SPECC1L: variants seen among roughly 807,000 people sequenced by gnomAD.
The protein encoded by SPECC1L is cytospin-A.
SPECC1L carries 40 observed loss-of-function variants against 116.8 expected under a neutral mutation model. The observed-to-expected ratio is 0.34, with a 90% CI of 0.27 to 0.45. SPECC1L has a LOEUF of 0.45. Among genes scored for constraint, SPECC1L ranks in the 20% least tolerant of loss-of-function variants. SPECC1L has a pLI of 1.00. For synonymous variants in SPECC1L, 504 were observed against 500.6 expected (o/e 1.01, Z -0.09); for missense variants, 1,110 against 1,373.6 (o/e 0.81, Z 3.03).
At chr22:24,404,543 C>G (rs1445931466) in intron 14 of SPECC1L, among the ~76,000 whole-genome samples, 1 of 152,204 alleles carries the variant, frequency 6.6e-6, no homozygotes, top group Non-Finnish European at 1.5e-5. Flanking sequence ...CATAGCCAGT[C>G]TGTTGCCAAG....
intron 14 of SPECC1L, among the ~76,000 whole-genome samples, chr22:24,374,874 A>C (rs891900575): frequency 1.3e-5 from 2 of 152,142 alleles, no homozygotes; most frequent in Non-Finnish European, 1.5e-5. Flanking sequence ...AGAAAATAGA[A>C]AAACAATAGA....
At chr22:24,411,492 G>T in intron 14 of SPECC1L, 96 bp from the exon 15 acceptor site, 1 of 1,126,988 alleles carries the variant, frequency 8.9e-7, no homozygotes, top group Non-Finnish European at 1.3e-6. Context: ...GTGTTTTGGA[G>T]GCCATGCAGC....
At chr22:24,403,456 A>G (rs2042521051) in intron 14 of SPECC1L, among the ~76,000 whole-genome samples, 1 of 152,244 alleles carries the variant, frequency 6.6e-6, no homozygotes, top group Non-Finnish European at 1.5e-5. Flanking sequence ...TGAATAGTGA[A>G]CAATAGAAAT....
At chr22:24,399,867 GTTTATT>G (rs1284066954) in intron 14 of SPECC1L, among the ~76,000 whole-genome samples, 3 of 152,136 alleles carry the variant, frequency 2.0e-5, no homozygotes, top group African/African-American at 7.2e-5. Flanking sequence ...TTAGCTGCCT[GTTTATT>G]TTTAAGAAAT....
At chr22:24,396,045 T>C (rs999656999) in intron 14 of SPECC1L, among the ~76,000 whole-genome samples, 1 of 152,230 alleles carries the variant, frequency 6.6e-6, no homozygotes, top group African/African-American at 2.4e-5. Flanking sequence ...CTCTTGGCCT[T>C]GGGTGTCAAG....
At chr22:24,330,510 G>A (rs2040916384) in intron 8 of SPECC1L, 79 bp downstream of exon 8, 1 of 1,488,428 alleles carries the variant, frequency 6.7e-7, no homozygotes, top group Non-Finnish European at 9.3e-7. Flanking sequence ...TGGTGCTATG[G>A]AAAAAATGTG....
intron 11 of SPECC1L, among the ~76,000 whole-genome samples, chr22:24,353,145 A>G (rs2146586695): frequency 6.6e-6 from 1 of 152,356 alleles, no homozygotes; most frequent in Non-Finnish European, 1.5e-5. Flanking sequence ...TAAGAAATTA[A>G]TAGCAGTAAA....
Position 24,390,767 on chromosome 22 carries a change from C to T in SPECC1L, c.3088-20821C>T, listed in dbSNP as rs75275276. ...AGGTATCTTCATCCCGAAGGCTCAG[C>T]GGTTGGCCAAGAGCTTCACATTTCT... On this transcript the variant is annotated intron_variant, in intron 14 of 16. Coordinates refer to ENST00000314328, the MANE Select transcript of SPECC1L (RefSeq NM_015330.6). Among the ~76,000 whole-genome samples the T allele has an allele frequency of 5.0e-3, 739 of 147,832 alleles. 7 individuals carry two copies. The highest frequency in any genetic ancestry group is 0.017 in the African/African-American group (698 of 40,218).
intron 2 of SPECC1L, among the ~76,000 whole-genome samples, chr22:24,296,500 C>G (rs2049265897): frequency 6.6e-6 from 1 of 152,254 alleles, no homozygotes; most frequent in Non-Finnish European, 1.5e-5. Flanking sequence ...TTTTATTCCC[C>G]CAAACCTTGA....
At chr22:24,294,574 G>C (rs1018526203) in intron 2 of SPECC1L, among the ~76,000 whole-genome samples, 6 of 151,524 alleles carry the variant, frequency 4.0e-5, no homozygotes, top group African/African-American at 1.5e-4. Context: ...GTAGAGACAG[G>C]GTTTCACCAT....
At chr22:24,303,015 A>T (rs995538898) in intron 3 of SPECC1L, among the ~76,000 whole-genome samples, 2 of 151,594 alleles carry the variant, frequency 1.3e-5, no homozygotes, top group Admixed American at 6.6e-5. Flanking sequence ...ATTTTTTTTT[A>T]AATAGATGAG....
intron 4 of SPECC1L, among the ~76,000 whole-genome samples, chr22:24,317,129 G>T (rs1453019267): frequency 2.9e-5 from 3 of 103,418 alleles, no homozygotes; most frequent in Non-Finnish European, 6.2e-5. Context: ...CTGGCTGGGC[G>T]GGGGGCTGAC....
intron 11 of SPECC1L, among the ~76,000 whole-genome samples, chr22:24,358,829 G>GA (rs2041584150): frequency 6.6e-6 from 1 of 152,142 alleles, no homozygotes; most frequent in African/African-American, 2.4e-5. Flanking sequence ...ACAATAAAGG[G>GA]AAAACTACCT....
intron 7 of SPECC1L, among the ~76,000 whole-genome samples, 173 bp downstream of exon 7, chr22:24,329,092 G>T (rs943647799): frequency 2.0e-5 from 3 of 152,206 alleles, no homozygotes; most frequent in Admixed American, 2.0e-4. Flanking sequence ...ATTGGTGCTA[G>T]ATTTTGGGTA....
intron 4 of SPECC1L, among the ~76,000 whole-genome samples, chr22:24,317,494 C>T (rs1379312092): frequency 9.2e-5 from 12 of 130,264 alleles, no homozygotes; most frequent in African/African-American, 2.7e-4. Flanking sequence ...CTGACCCCCC[C>T]ACCTCCCTCC....
At chr22:24,390,450 A>G (rs1285533321) in intron 14 of SPECC1L, among the ~76,000 whole-genome samples, 1 of 152,210 alleles carries the variant, frequency 6.6e-6, no homozygotes, top group Non-Finnish European at 1.5e-5. Context: ...GTTAAAAAAT[A>G]AAAAAAGGTG....
chr22:24,366,483 G>T (rs529365810), intron 13 of SPECC1L, among the ~76,000 whole-genome samples: 2 of 152,100 alleles, frequency 1.3e-5, no homozygotes, highest in Non-Finnish European at 2.9e-5. Context: ...GTGAGCCACC[G>T]TGCCTGGCCT....
intron 9 of SPECC1L, among the ~76,000 whole-genome samples, chr22:24,336,073 A>C (rs996857536): frequency 3.3e-5 from 5 of 152,012 alleles, no homozygotes; most frequent in Non-Finnish European, 7.4e-5. Context: ...TACCTACTAA[A>C]AGAATTAAGA....
In SPECC1L at chr22:24,383,792, ATTTTTTTTTTTTTT is replaced by A. The variant is rs538972717; in HGVS notation, c.3087+14499_3087+14512del. Among the ~76,000 whole-genome samples, 611 of 77,260 alleles carry A rather than the reference ATTTTTTTTTTTTTT, an allele frequency of 7.9e-3. 14 individuals are homozygous for A. The highest frequency in any genetic ancestry group is 0.036 in the African/African-American group (548 of 15,268). The allele number at this position is 77,260 out of a possible 152,430, so 50.7% of individuals were successfully genotyped here. A position where few individuals can be genotyped will look rare whatever the true frequency, so the allele number is the denominator to read the frequency against. The stretch of plus-strand genomic sequence containing the variant: ...GCTGGGATTACAGGCACCCACCACT[ATTTTTTTTTTTTTT>A]TTTTTTTTTTTTTTTTTTTTTTTTT... On this transcript the variant is annotated intron_variant, in intron 14 of 16. Transcript: ENST00000314328.
Sources: allele counts gnomAD v4.1 joint callset (sites outside exome capture counted in the v4.1 genomes callset), GRCh38; gene constraint gnomAD v4.1.1; transcripts MANE v1.5; gene names NCBI Gene and HGNC (gene_info 2026-07-23, HGNC 2026-07-21).